Variants in COLGALT2 observed in about 807,000 individuals in gnomAD.
The protein encoded by COLGALT2 is collagen beta(1-O)galactosyltransferase 2, also known as procollagen galactosyltransferase 2.
A neutral mutation model predicts 73.4 loss-of-function variants in COLGALT2; 49 were observed. That is an observed-to-expected ratio of 0.67 (90% CI 0.53 to 0.85). The LOEUF is 0.85. COLGALT2 is among the 40% of genes least tolerant of loss of function. COLGALT2 has a pLI of 0.00. For missense variants in COLGALT2, 722 were observed against 790.2 expected (o/e 0.91, Z 1.03); for synonymous variants, 295 against 307.6 (o/e 0.96, Z 0.43).
At chr1:183,958,026 T>C (rs1453237700) in intron 6 of COLGALT2, among the ~76,000 whole-genome samples, 1 of 152,192 alleles carries the variant, frequency 6.6e-6, no homozygotes, top group African/African-American at 2.4e-5. Flanking sequence ...TCATGCTTTA[T>C]AGACCATTTA....
At position 184,037,487 on chromosome 1, in the gene COLGALT2, G is replaced by A; in HGVS notation, c.-130C>T. On this transcript the variant is annotated 5_prime_UTR_variant, in exon 1 of 12. Transcript: ENST00000361927. Reference sequence around the variant, plus strand: ...CCGGGGGATGCGGCTTGCCGCGGCCGGCCGGCTCACACACTGGCCTCGGCG... The same window carrying A: ...CCGGGGGATGCGGCTTGCCGCGGCCAGCCGGCTCACACACTGGCCTCGGCG... 1 of 1,180,218 alleles carries A rather than the reference G, an allele frequency of 8.5e-7. No homozygotes were observed. Among genetic ancestry groups the A allele is most frequent in the East Asian group, 3.9e-5 (1 of 25,774 alleles). 73.1% of individuals were successfully genotyped at this position (1,180,218 alleles called of 1,614,324 possible).
chr1:184,034,046 C>A (rs997199602), intron 1 of COLGALT2, among the ~76,000 whole-genome samples: 1 of 152,172 alleles, frequency 6.6e-6, no homozygotes, highest in African/African-American at 2.4e-5. Context: ...TAGAGGCAAG[C>A]AATCGGTAGA....
chr1:183,997,662 G>A (rs1336051329), intron 1 of COLGALT2, among the ~76,000 whole-genome samples: 1 of 152,150 alleles, frequency 6.6e-6, no homozygotes, highest in Non-Finnish European at 1.5e-5. Flanking sequence ...GCTGCATGTG[G>A]CCCATGGGCC....
chr1:184,024,713 A>G (rs575788141), intron 1 of COLGALT2, among the ~76,000 whole-genome samples: 20 of 149,414 alleles, frequency 1.3e-4, no homozygotes, highest in African/African-American at 3.7e-4. Context: ...CTCTAAACAT[A>G]CAAGTATCAG....
chr1:183,940,517 A>G (rs1025262617), intron 11 of COLGALT2, 64 bp downstream of exon 11: 19 of 1,384,242 alleles, frequency 1.4e-5, no homozygotes, highest in Non-Finnish European at 2.0e-5. Flanking sequence ...ACTACCAGAA[A>G]TGGAGAGCAT....
chr1:183,934,495 C>T (rs75887079), downstream of COLGALT2, among the ~76,000 whole-genome samples: 2 of 152,292 alleles, frequency 1.3e-5, no homozygotes, highest in East Asian at 3.9e-4. Context: ...ATCATGTGGG[C>T]GTGACATTTC....
Position 183,979,541 on chromosome 1 carries a change from A to G in COLGALT2, c.264-1021T>C, listed in dbSNP as rs75948151. Among the ~76,000 whole-genome samples the G allele has an allele frequency of 5.3e-5, 8 of 152,252 alleles. No individual in the cohort carries two copies. In the East Asian group the frequency reaches 1.5e-3, roughly 29 times the overall value. On this transcript the variant is annotated intron_variant, in intron 1 of 11. Coordinates refer to ENST00000361927, the MANE Select transcript of COLGALT2 (RefSeq NM_015101.4). ...TAAACATTTTAGGTTTACAGGCCAT[A>G]TACTATCTGCAGCTACTACTTAACT... is the stretch of plus-strand genomic sequence containing the variant.
At chr1:183,978,268 T>C (rs1671259816) in intron 2 of COLGALT2, 142 bp downstream of exon 2, 4 of 533,782 alleles carry the variant, frequency 7.5e-6, no homozygotes, top group Admixed American at 3.5e-5. Context: ...AAGGGAGAAA[T>C]GGCAGATATT....
intron 1 of COLGALT2, among the ~76,000 whole-genome samples, chr1:184,003,607 A>G (rs1472015554): frequency 2.0e-5 from 3 of 152,186 alleles, no homozygotes; most frequent in Non-Finnish European, 2.9e-5. Context: ...TGTGCCCTTT[A>G]TGAATTTCCA....
intron 1 of COLGALT2, among the ~76,000 whole-genome samples, chr1:183,997,410 G>A (rs573973705): frequency 1.3e-5 from 2 of 152,020 alleles, no homozygotes; most frequent in African/African-American, 4.8e-5. Flanking sequence ...CTTCCTTCTC[G>A]GCCAATAATC....
In COLGALT2 at chr1:183,961,815, C is replaced by T. The variant is rs538907689; in HGVS notation, c.952+2086G>A. 3.2e-4 allele frequency among the ~76,000 whole-genome samples: 48 copies of T among 152,212 alleles called. 1 individual carries two copies. Among genetic ancestry groups the T allele is most frequent in the African/African-American group, 1.1e-3 (46 of 41,542 alleles). On this transcript the variant is annotated intron_variant, in intron 6 of 11. Transcript: ENST00000361927. ...TGGAATACAAAGCAATAAGATGCCA[C>T]CCATATCCTTTAGGGCCTAGAACAT... is the stretch of plus-strand genomic sequence containing the variant.
At chr1:183,998,700 C>T (rs1404128830) in intron 1 of COLGALT2, among the ~76,000 whole-genome samples, 1 of 152,056 alleles carries the variant, frequency 6.6e-6, no homozygotes, top group East Asian at 1.9e-4. Flanking sequence ...TTTCCATGTA[C>T]ATCTATGTCT....
At position 184,037,554 on chromosome 1, in the gene COLGALT2, A is replaced by C; in HGVS notation, c.-197T>G. 1 of 1,119,412 alleles carries C rather than the reference A, an allele frequency of 8.9e-7. No individual in the cohort carries two copies. Among genetic ancestry groups the C allele is most frequent in the Non-Finnish European group, 1.1e-6 (1 of 917,356 alleles). 69.3% of individuals were successfully genotyped at this position (1,119,412 alleles called of 1,614,324 possible). A position where few individuals can be genotyped will look rare whatever the true frequency, so the allele number is the denominator to read the frequency against. ...CCCTCCCGCCGCCGCTGCACCGCCC[A>C]GGCCCCAGTGCGGGTGCGCAGCGTA... is the stretch of plus-strand genomic sequence containing the variant. On this transcript the variant is annotated 5_prime_UTR_variant, in exon 1 of 12. Coordinates refer to ENST00000361927, the MANE Select transcript of COLGALT2 (RefSeq NM_015101.4).
intron 10 of COLGALT2, among the ~76,000 whole-genome samples, chr1:183,941,734 C>A (rs1314737752): frequency 2.0e-5 from 3 of 152,156 alleles, no homozygotes; most frequent in African/African-American, 4.8e-5. Context: ...AAACATATAT[C>A]CCCAGCCACT....
At chr1:183,965,011 T>C (rs749488126) in intron 5 of COLGALT2, among the ~76,000 whole-genome samples, 3 of 152,246 alleles carry the variant, frequency 2.0e-5, no homozygotes, top group Non-Finnish European at 1.5e-5. Flanking sequence ...AGCTACATCA[T>C]CTGTCAAATC....
At chr1:183,991,517 A>C (rs916679269) in intron 1 of COLGALT2, among the ~76,000 whole-genome samples, 3 of 152,230 alleles carry the variant, frequency 2.0e-5, no homozygotes, top group African/African-American at 7.2e-5. Flanking sequence ...ACTAAAAAAA[A>C]ATGTCAGCCC....
At chr1:184,012,213 C>T (rs1648824652) in intron 1 of COLGALT2, among the ~76,000 whole-genome samples, 1 of 152,172 alleles carries the variant, frequency 6.6e-6, no homozygotes, top group Non-Finnish European at 1.5e-5. Flanking sequence ...ATCCACTAAT[C>T]TTATAAGCCT....
chr1:183,953,963 C>T (rs1309873302), intron 7 of COLGALT2, among the ~76,000 whole-genome samples: 1 of 152,188 alleles, frequency 6.6e-6, no homozygotes, highest in Non-Finnish European at 1.5e-5. Flanking sequence ...AAGCTCGAAG[C>T]CTGATCTGTT....
At chr1:184,019,245 G>A (rs1649099090) in intron 1 of COLGALT2, among the ~76,000 whole-genome samples, 1 of 151,898 alleles carries the variant, frequency 6.6e-6, no homozygotes, top group African/African-American at 2.4e-5. Flanking sequence ...AATCCTGGCA[G>A]TTATCTCATT....
Sources: allele counts gnomAD v4.1 joint callset (sites outside exome capture counted in the v4.1 genomes callset), GRCh38; gene constraint gnomAD v4.1.1; transcripts MANE v1.5; gene names NCBI Gene and HGNC (gene_info 2026-07-23, HGNC 2026-07-21).